Variants in CHN1 observed in about 807,000 individuals in gnomAD.
CHN1 encodes N-chimaerin.
CHN1 carries 37 observed loss-of-function variants against 59.5 expected under a neutral mutation model. The ratio of observed to expected loss-of-function variants is 0.62; its 90% CI spans 0.48 to 0.82. CHN1 has a LOEUF of 0.82. Among genes scored for constraint, CHN1 ranks in the 40% least tolerant of loss-of-function variants. The pLI, the probability that CHN1 is intolerant of heterozygous loss-of-function variation, is 0.00. For missense variants in CHN1, 469 were observed against 571.0 expected, an observed-to-expected ratio of 0.82 and a Z score of 1.82; for synonymous variants, 206 against 200.4, an observed-to-expected ratio of 1.03 and a Z score of -0.24.
intron 1 of CHN1, among the ~76,000 whole-genome samples, chr2:174,967,027 A>T (rs1287866924): frequency 6.6e-6 from 1 of 152,124 alleles, no homozygotes; most frequent in Non-Finnish European, 1.5e-5. Context: ...AATAAAGTAG[A>T]TCCTTCTACT....
chr2:174,933,887 A>G (rs1391341645), intron 3 of CHN1, among the ~76,000 whole-genome samples: 2 of 152,190 alleles, frequency 1.3e-5, no homozygotes, highest in Non-Finnish European at 2.9e-5. Flanking sequence ...ACAAATACTG[A>G]TGGTTGGGTG....
intron 5 of CHN1, among the ~76,000 whole-genome samples, chr2:174,900,656 T>C (rs1216157618): frequency 6.6e-6 from 1 of 151,932 alleles, no homozygotes; most frequent in South Asian, 2.1e-4. Context: ...AAATACAAAA[T>C]TAGCCGGGCG....
chr2:174,887,183 GA>G (rs1466245856), intron 5 of CHN1, among the ~76,000 whole-genome samples: 1 of 152,066 alleles, frequency 6.6e-6, no homozygotes, highest in East Asian at 1.9e-4. Flanking sequence ...TAGGATTTCT[GA>G]CTATGGAAAA....
At chr2:174,863,630 G>A (rs1461658031) in intron 6 of CHN1, among the ~76,000 whole-genome samples, 4 of 151,944 alleles carry the variant, frequency 2.6e-5, no homozygotes, top group Admixed American at 6.6e-5. Flanking sequence ...ATAAACAAAA[G>A]CTCTTCAAAG....
intron 5 of CHN1, among the ~76,000 whole-genome samples, chr2:174,906,874 T>C (rs1200959854): frequency 6.6e-6 from 1 of 152,160 alleles, no homozygotes; most frequent in Non-Finnish European, 1.5e-5. Context: ...TTTAGGTTCA[T>C]TGATCAAAAA....
chr2:174,922,526 A>G (rs1395375439), intron 3 of CHN1, among the ~76,000 whole-genome samples: 1 of 152,142 alleles, frequency 6.6e-6, no homozygotes, highest in Middle Eastern at 3.2e-3. Flanking sequence ...CCCTATCTCT[A>G]CAAAATATTT....
intron 1 of CHN1, among the ~76,000 whole-genome samples, chr2:174,959,867 C>T (rs1388300693): frequency 1.3e-5 from 2 of 152,174 alleles, no homozygotes; most frequent in African/African-American, 2.4e-5. Flanking sequence ...CCTTCAACTG[C>T]GGTGACTGCT....
chr2:174,963,494 A>G (rs1223771491), intron 1 of CHN1, among the ~76,000 whole-genome samples: 1 of 152,190 alleles, frequency 6.6e-6, no homozygotes, highest in Non-Finnish European at 1.5e-5. Context: ...CAGAGGAGAG[A>G]ACACAGTGAA....
intron 1 of CHN1, among the ~76,000 whole-genome samples, chr2:174,988,684 T>G (rs1011151916): frequency 2.0e-5 from 3 of 152,186 alleles, no homozygotes; most frequent in Non-Finnish European, 4.4e-5. Context: ...CATCACTGGT[T>G]TGAGCTCTTT....
intron 6 of CHN1, among the ~76,000 whole-genome samples, chr2:174,857,867 A>C (rs1364293214): frequency 6.6e-6 from 1 of 152,184 alleles, no homozygotes; most frequent in Non-Finnish European, 1.5e-5. Flanking sequence ...ACAATAAGGA[A>C]CTTTAAATCT....
intron 8 of CHN1, among the ~76,000 whole-genome samples, chr2:174,818,925 TTAA>T (rs1162430449): frequency 5.8e-5 from 8 of 138,154 alleles, no homozygotes; most frequent in African/African-American, 2.4e-4. Flanking sequence ...TAACTTTATG[TTAA>T]TAAGATTTGA....
chr2:174,901,014 C>G (rs1688374757), intron 5 of CHN1, among the ~76,000 whole-genome samples: 2 of 152,058 alleles, frequency 1.3e-5, no homozygotes, highest in African/African-American at 4.8e-5. Flanking sequence ...ATACTATACA[C>G]AAAATATATA....
At chr2:174,823,452 A>AGGAGATCG (rs1208474409) in intron 8 of CHN1, among the ~76,000 whole-genome samples, 1 of 152,130 alleles carries the variant, frequency 6.6e-6, no homozygotes, top group Non-Finnish European at 1.5e-5. Flanking sequence ...TCACGAGGTC[A>AGGAGATCG]GGAGATCGAG....
intron 5 of CHN1, among the ~76,000 whole-genome samples, chr2:174,880,838 G>A (rs202212482): frequency 2.8e-4 from 42 of 152,076 alleles, no homozygotes; most frequent in African/African-American, 9.6e-4. Context: ...ACCTGAGGTC[G>A]GGAGTTTGAG....
intron 8 of CHN1, 86 bp from the exon 9 acceptor site, chr2:174,812,568 TC>T: frequency 7.7e-7 from 1 of 1,299,620 alleles, no homozygotes; most frequent in Non-Finnish European, 1.1e-6. Context: ...CAAAAGGCAC[TC>T]CAGCTTGAAT....
chr2:174,846,919 G>A lies in CHN1; in HGVS notation c.588C>T (p.Asn196=), dbSNP rs146313212. The A allele has an allele frequency of 4.0e-4, 616 of 1,552,602 alleles. 6 individuals carry two copies. The highest frequency in any genetic ancestry group is 1.8e-3 in the Middle Eastern group (11 of 5,990). The change falls in exon 7 of 13, where the codon AAC becomes AAT. Residue 196 remains asparagine, a synonymous_variant. Coordinates refer to ENST00000409900, the MANE Select transcript of CHN1 (RefSeq NM_001822.7). ...TCTTTTCATATTTTGGAATTTGCTC[G>A]TTTTCTTTCAGAGTTGCTCTTCTAA... is the stretch of plus-strand genomic sequence containing the variant. ...SLVRRATLKE[N]EQIPKYEKIH... is the part of the protein sequence containing the mutation.
At chr2:174,978,235 G>C (rs1358114576) in intron 1 of CHN1, among the ~76,000 whole-genome samples, 1 of 152,092 alleles carries the variant, frequency 6.6e-6, no homozygotes, top group Non-Finnish European at 1.5e-5. Flanking sequence ...CTTCAACCTA[G>C]AACATTTCCC....
In CHN1 at chr2:174,812,380, G is replaced by A. The variant is rs761404391; in HGVS notation, c.815C>T (p.Thr272Met). 8.7e-6 allele frequency: 14 copies of A among 1,613,878 alleles called. No homozygotes were observed. Among genetic ancestry groups the A allele is most frequent in the East Asian group, 2.2e-5 (1 of 44,904 alleles). ...VKKVYSCDLT[T>M]LVKAHTTKRP... ...CTTAGTGGTATGTGCTTTCACGAGC[G>A]TCGTAAGGTCACAGCTGTACACCTT... is the stretch of plus-strand genomic sequence containing the variant. The change falls in exon 9 of 13, where the codon ACG becomes ATG. Residue 272 changes from threonine (T) to methionine (M), a missense_variant. Transcript: ENST00000409900.
chr2:174,808,560 C>T (rs868144237), intron 11 of CHN1, among the ~76,000 whole-genome samples: 1 of 152,234 alleles, frequency 6.6e-6, no homozygotes, highest in Non-Finnish European at 1.5e-5. Context: ...GCTGGGATTA[C>T]AGGCGTGAGC....
Sources: allele counts gnomAD v4.1 joint callset (sites outside exome capture counted in the v4.1 genomes callset), GRCh38; gene constraint gnomAD v4.1.1; transcripts MANE v1.5; gene names NCBI Gene and HGNC (gene_info 2026-07-23, HGNC 2026-07-21).